WDR41: variants seen among roughly 807,000 people sequenced by gnomAD.
WDR41 encodes WD repeat-containing protein 41.
In WDR41, 63 loss-of-function variants were observed where a neutral mutation model predicts 69.3. That is an observed-to-expected ratio of 0.91 (90% CI 0.74 to 1.12). The LOEUF (loss-of-function observed/expected upper bound fraction) is 1.12. Ranked by LOEUF, WDR41 falls within the 50% of genes most tolerant of loss-of-function variation. The probability of loss-of-function intolerance (pLI) is 0.00; values close to 1 mark genes in which losing one functional copy is unlikely to be tolerated. For synonymous variants in WDR41, 185 were observed against 192.1 expected, an observed-to-expected ratio of 0.96 and a Z score of 0.31; for missense variants, 543 against 534.5, an observed-to-expected ratio of 1.02 and a Z score of -0.16.
chr5:77,579,599 TATA>T (rs1463095651), intron 1 of WDR41, among the ~76,000 whole-genome samples: 3 of 152,188 alleles, frequency 2.0e-5, no homozygotes, highest in Admixed American at 2.0e-4. Context: ...AAAAAGAAGT[TATA>T]ATAATGACTT....
chr5:77,588,351 C>CA (rs888814806), intron 1 of WDR41, among the ~76,000 whole-genome samples: 266 of 151,344 alleles, frequency 1.8e-3, no homozygotes, highest in African/African-American at 6.1e-3. Flanking sequence ...AAATCTTTGC[C>CA]AAAAAAAATG....
At chr5:77,444,344 A>G (rs1431340831) in intron 8 of WDR41, among the ~76,000 whole-genome samples, 1 of 152,194 alleles carries the variant, frequency 6.6e-6, no homozygotes, top group African/African-American at 2.4e-5. Flanking sequence ...GTATCTGTCT[A>G]TCCATCCCTC....
intron 1 of WDR41, among the ~76,000 whole-genome samples, chr5:77,566,126 T>C (rs1743622521): frequency 6.6e-6 from 1 of 152,086 alleles, no homozygotes; most frequent in Admixed American, 6.6e-5. Flanking sequence ...CTTGTGAGCT[T>C]AATACCATTC....
rs1303041873 is a variant in WDR41, at chr5:77,438,263, C to A, written c.981G>T (p.Leu327=). The A allele has an allele frequency of 5.6e-5, 91 of 1,613,914 alleles. 1 individual carries two copies. The highest frequency in any genetic ancestry group is 7.1e-5 in the Non-Finnish European group (84 of 1,179,906). ...ACCTGTTTGGAAGTCTGGCAACGTGCAGGACATTGGAGTCATGTGCAGTTT... is the reference window on the plus strand; with the variant it reads ...ACCTGTTTGGAAGTCTGGCAACGTGAAGGACATTGGAGTCATGTGCAGTTT... ...CQKTAHDSNV[L]HVARLPNRQL... The change falls in exon 10 of 13, where the codon CTG becomes CTT. Residue 327 remains leucine, a synonymous_variant. Coordinates refer to ENST00000296679, the MANE Select transcript of WDR41 (RefSeq NM_018268.4).
At chr5:77,490,977 T>C (rs891872307) in intron 1 of WDR41, among the ~76,000 whole-genome samples, 1 of 152,250 alleles carries the variant, frequency 6.6e-6, no homozygotes, top group Non-Finnish European at 1.5e-5. Context: ...ATACTTCTTA[T>C]GAGAAATAAA....
At chr5:77,478,295 A>T (rs1033477663) in intron 2 of WDR41, among the ~76,000 whole-genome samples, 42 of 152,346 alleles carry the variant, frequency 2.8e-4, no homozygotes, top group Admixed American at 1.1e-3. Flanking sequence ...AATCAATAGT[A>T]AAAGAGGGAA....
chr5:77,473,197 G>A (rs554688941), intron 2 of WDR41, among the ~76,000 whole-genome samples: 4 of 152,314 alleles, frequency 2.6e-5, no homozygotes, highest in East Asian at 3.9e-4. Flanking sequence ...ATGGGGAAAG[G>A]ATTCCCTATT....
In WDR41 at chr5:77,570,428, G is replaced by T. The variant is rs1362692166; in HGVS notation, c.42+50051C>A. Among the ~76,000 whole-genome samples the T allele has an allele frequency of 2.0e-5, 3 of 149,318 alleles. No individual in the cohort carries two copies. The East Asian group carries it at 5.9e-4, about 29-fold the overall frequency. ...AACAGTTGCTTACAAATGAAACTAG[G>T]GTACATTATTTGGAAAATGCAATAC... On this transcript the variant is annotated intron_variant, in intron 1 of 5. Transcript: ENST00000509971.
rs564989980 is a variant in WDR41 at position 77,484,865 on chromosome 5, C to G, written c.167+4592G>C. ...GCCTCCAGCTGTTGACTTCAGGATC[C>G]ATTTCTGCCTTCAAGCCAAAGTTAT... On this transcript the variant is annotated intron_variant, in intron 2 of 12. Transcript: ENST00000296679. Among the ~76,000 whole-genome samples, 8 of 152,270 alleles carry G rather than the reference C, an allele frequency of 5.3e-5. No homozygotes were observed. The East Asian group carries it at 1.5e-3, about 29-fold the overall frequency.
In WDR41 at chr5:77,519,722, T is replaced by C. The variant is rs533271955; in HGVS notation, c.43-30150A>G. On this transcript the variant is annotated intron_variant, in intron 1 of 5. Transcript: ENST00000509971. ...TTAAAATTAGTTTAAGTGTTTATGT[T>C]AAATGTGAAGTCCATTTTAAAATTA... is the stretch of plus-strand genomic sequence containing the variant. Among the ~76,000 whole-genome samples, 3 of 151,952 alleles carry C rather than the reference T, an allele frequency of 2.0e-5. No homozygotes were observed. In the East Asian group the frequency reaches 5.8e-4, roughly 29 times the overall value.
chr5:77,595,147 G>A (rs1004530248), intron 1 of WDR41, among the ~76,000 whole-genome samples: 8 of 134,026 alleles, frequency 6.0e-5, no homozygotes, highest in Admixed American at 2.2e-4. Flanking sequence ...TGAAATTTAA[G>A]GTCTTCTTCG....
rs71606297 is a variant in WDR41 at position 77,464,274 on chromosome 5, C to CTTTTTTTT, written c.216+479_216+486dup. On this transcript the variant is annotated intron_variant, in intron 3 of 12. Transcript: ENST00000296679. ...TTGGCATTTGTTTCTTAGGAAAAAA[C>CTTTTTTTT]TTTTTTTTTTTTTTTTTTTTTTTGA... 3.2e-4 allele frequency among the ~76,000 whole-genome samples: 30 copies of CTTTTTTTT among 94,198 alleles called. 1 individual carries two copies. The highest frequency in any genetic ancestry group is 3.3e-4 in the Non-Finnish European group (17 of 51,008). The allele number at this position is 94,198 out of a possible 152,430, so 61.8% of individuals were successfully genotyped here. A position where few individuals can be genotyped will look rare whatever the true frequency, so the allele number is the denominator to read the frequency against.
chr5:77,523,193 A>AT (rs1802396302), intron 1 of WDR41, among the ~76,000 whole-genome samples: 1 of 151,982 alleles, frequency 6.6e-6, no homozygotes, highest in African/African-American at 2.4e-5. Flanking sequence ...GCACGCCTGT[A>AT]ATCCCAGCTG....
intron 1 of WDR41, among the ~76,000 whole-genome samples, chr5:77,541,953 A>G (rs182561939): frequency 7.2e-5 from 11 of 152,348 alleles, no homozygotes; most frequent in Non-Finnish European, 1.3e-4. Flanking sequence ...TTATTCTATT[A>G]TAAAGATACA....
chr5:77,609,770 A>G (rs1245339268), intron 1 of WDR41, among the ~76,000 whole-genome samples: 15 of 151,716 alleles, frequency 9.9e-5, no homozygotes, highest in African/African-American at 3.2e-4. Flanking sequence ...CCAAAGGAAC[A>G]CAGTTCCTCA....
At chr5:77,438,400 C>T (rs1454366011) in intron 9 of WDR41, 39 bp from the exon 10 acceptor site, 5 of 1,609,402 alleles carry the variant, frequency 3.1e-6, no homozygotes, top group Middle Eastern at 1.6e-4. Flanking sequence ...AAAACTAGCA[C>T]TCACCCTTCC....
At chr5:77,460,164 A>C (rs1277350421) in intron 4 of WDR41, among the ~76,000 whole-genome samples, 2 of 152,204 alleles carry the variant, frequency 1.3e-5, no homozygotes, top group African/African-American at 2.4e-5. Flanking sequence ...GTGTGAGAAA[A>C]TATCAGACTT....
intron 1 of WDR41, among the ~76,000 whole-genome samples, chr5:77,515,021 A>G (rs1802272281): frequency 6.6e-6 from 1 of 152,200 alleles, no homozygotes; most frequent in South Asian, 2.1e-4. Context: ...AGTAAACTTT[A>G]TAAACATTGT....
At chr5:77,459,765 AT>A (rs1799968514) in intron 4 of WDR41, among the ~76,000 whole-genome samples, 1 of 152,226 alleles carries the variant, frequency 6.6e-6, no homozygotes, top group African/African-American at 2.4e-5. Flanking sequence ...ATACAAATGT[AT>A]ATGCATGTAT....
Sources: gnomAD v4.1 joint callset for allele counts (sites outside exome capture counted in the v4.1 genomes callset) on GRCh38, gnomAD v4.1.1 for gene constraint, MANE v1.5 for transcripts, NCBI Gene and HGNC (gene_info 2026-07-23, HGNC 2026-07-21) for gene names.